NLGN1: variants seen among roughly 807,000 people sequenced by gnomAD.
NLGN1 encodes the protein neuroligin-1.
A neutral mutation model predicts 65.5 loss-of-function variants in NLGN1; 12 were observed. That is an observed-to-expected ratio of 0.18 (90% CI 0.12 to 0.30). The LOEUF (loss-of-function observed/expected upper bound fraction) is 0.30. Ranked by LOEUF, NLGN1 falls within the 10% of genes least tolerant of loss-of-function variation. The pLI is 1.00. For synonymous variants in NLGN1, 350 were observed against 359.5 expected (o/e 0.97, Z 0.30); for missense variants, 750 against 1,007.1 (o/e 0.74, Z 3.46).
chr3:174,097,888 G>A (rs1474249525), intron 4 of NLGN1, among the ~76,000 whole-genome samples: 1 of 152,070 alleles, frequency 6.6e-6, no homozygotes, highest in Admixed American at 6.6e-5. Context: ...ATTGTCAGTG[G>A]GTGAGTGGTG....
At chr3:174,038,863 T>C (rs115758212) in intron 4 of NLGN1, among the ~76,000 whole-genome samples, 199 of 152,326 alleles carry the variant, frequency 1.3e-3, no homozygotes, top group African/African-American at 4.6e-3. Flanking sequence ...TCAGGGAAGC[T>C]TGAAGAACTA....
chr3:174,144,737 T>C (rs1212804318), intron 4 of NLGN1, among the ~76,000 whole-genome samples: 1 of 152,222 alleles, frequency 6.6e-6, no homozygotes, highest in African/African-American at 2.4e-5. Flanking sequence ...TCTGTTCATA[T>C]CCTTTGCCCA....
At chr3:173,990,313 C>T (rs1320357612) in intron 4 of NLGN1, among the ~76,000 whole-genome samples, 1 of 152,158 alleles carries the variant, frequency 6.6e-6, no homozygotes, top group East Asian at 1.9e-4. Flanking sequence ...TCAAAAAGTT[C>T]TCTACAAATT....
intron 4 of NLGN1, among the ~76,000 whole-genome samples, chr3:174,106,558 A>G (rs1213015966): frequency 2.6e-5 from 4 of 152,110 alleles, no homozygotes; most frequent in Non-Finnish European, 2.9e-5. Context: ...ATTTTTAGAT[A>G]ATTATAGATC....
intron 4 of NLGN1, among the ~76,000 whole-genome samples, chr3:174,056,811 A>G (rs1736218250): frequency 6.6e-6 from 1 of 152,058 alleles, no homozygotes; most frequent in African/African-American, 2.4e-5. Flanking sequence ...TACGGTAAAC[A>G]TGAACTCAAT....
At chr3:173,672,738 T>A (rs544474225) in intron 3 of NLGN1, among the ~76,000 whole-genome samples, 1 of 152,366 alleles carries the variant, frequency 6.6e-6, no homozygotes, top group Non-Finnish European at 1.5e-5. Flanking sequence ...TTAATATCAT[T>A]ATGTATAACA....
intron 2 of NLGN1, among the ~76,000 whole-genome samples, chr3:173,475,145 A>G (rs1363226165): frequency 6.6e-6 from 1 of 152,186 alleles, no homozygotes; most frequent in Non-Finnish European, 1.5e-5. Context: ...GTGTCTTACT[A>G]ATTAATTTCC....
At chr3:173,643,192 A>G (rs919996116) in intron 3 of NLGN1, among the ~76,000 whole-genome samples, 1 of 152,222 alleles carries the variant, frequency 6.6e-6, no homozygotes, top group Non-Finnish European at 1.5e-5. Flanking sequence ...CACAACTTTA[A>G]GAGACCTCAT....
At chr3:174,000,774 T>C (rs549123463) in intron 4 of NLGN1, among the ~76,000 whole-genome samples, 1 of 152,280 alleles carries the variant, frequency 6.6e-6, no homozygotes, top group Non-Finnish European at 1.5e-5. Flanking sequence ...TTTAAATACA[T>C]ACATGAAATG....
chr3:174,025,050 G>A (rs291945), intron 4 of NLGN1, among the ~76,000 whole-genome samples: 146,105 of 152,318 alleles, frequency 0.96, 70,128 homozygotes, highest in East Asian at 1. Flanking sequence ...AATAACTGTC[G>A]TTTAGTATAT....
intron 3 of NLGN1, among the ~76,000 whole-genome samples, chr3:173,693,833 C>T (rs1765812229): frequency 6.6e-6 from 1 of 151,952 alleles, no homozygotes; most frequent in Admixed American, 6.6e-5. Flanking sequence ...CCAGAACTAA[C>T]ATTTTTGGAG....
chr3:173,536,418 G>T (rs529404998), intron 2 of NLGN1, among the ~76,000 whole-genome samples: 9 of 151,936 alleles, frequency 5.9e-5, no homozygotes, highest in Non-Finnish European at 1.3e-4. Context: ...AATACCTGGG[G>T]GAAAAAAAGT....
intron 3 of NLGN1, among the ~76,000 whole-genome samples, chr3:173,792,047 T>A (rs898700163): frequency 5.9e-5 from 9 of 152,048 alleles, no homozygotes; most frequent in African/African-American, 2.2e-4. Flanking sequence ...GAGAATTGTG[T>A]CCCCGAAATA....
At chr3:174,008,133 A>G (rs1039809004) in intron 4 of NLGN1, among the ~76,000 whole-genome samples, 2 of 152,288 alleles carry the variant, frequency 1.3e-5, no homozygotes, top group South Asian at 2.1e-4. Flanking sequence ...TTGCAACAGC[A>G]AAGTTTGTGG....
intron 4 of NLGN1, among the ~76,000 whole-genome samples, chr3:174,247,282 A>G (rs1743976162): frequency 6.6e-6 from 1 of 152,188 alleles, no homozygotes; most frequent in Non-Finnish European, 1.5e-5. Flanking sequence ...ATTATGTGTC[A>G]GGTTCTGAAG....
chr3:173,836,579 T>A (rs955818989), intron 4 of NLGN1, among the ~76,000 whole-genome samples: 5 of 152,174 alleles, frequency 3.3e-5, no homozygotes, highest in Non-Finnish European at 7.4e-5. Context: ...TTTTGTCAGA[T>A]TTTCTTCAAC....
At position 173,528,407 on chromosome 3, in the gene NLGN1, A is replaced by G. The variant is rs143430793; in HGVS notation, c.-320-75872A>G. 2.5e-3 allele frequency among the ~76,000 whole-genome samples: 380 copies of G among 152,266 alleles called. 1 individual carries two copies. The highest frequency in any genetic ancestry group is 8.7e-3 in the African/African-American group (362 of 41,562). On this transcript the variant is annotated intron_variant, in intron 2 of 6. Transcript: ENST00000457714. ...ATTGACCTTGCATAGCTTTATAACT[A>G]TATGCCTTGATGATATTCATCTAGT...
intron 2 of NLGN1, among the ~76,000 whole-genome samples, chr3:173,505,640 C>T (rs1467715889): frequency 6.6e-6 from 1 of 152,042 alleles, no homozygotes; most frequent in Non-Finnish European, 1.5e-5. Flanking sequence ...TTGTACCTTA[C>T]CTCATCTCCC....
intron 4 of NLGN1, among the ~76,000 whole-genome samples, chr3:174,099,762 TAA>T (rs939791210): frequency 1.3e-5 from 2 of 152,108 alleles, no homozygotes; most frequent in Non-Finnish European, 2.9e-5. Flanking sequence ...AATGCAGTAA[TAA>T]AAATAGGCCC....
Sources: allele counts gnomAD v4.1 joint callset (sites outside exome capture counted in the v4.1 genomes callset), GRCh38; gene constraint gnomAD v4.1.1; transcripts MANE v1.5; gene names NCBI Gene and HGNC (gene_info 2026-07-23, HGNC 2026-07-21).